The following BMPR1B variants were observed in gnomAD, a reference collection of about 807,000 sequenced individuals.
BMPR1B encodes bone morphogenetic protein receptor type 1B, also known as bone morphogenetic protein receptor type-1B.
BMPR1B carries 12 observed loss-of-function variants against 59.1 expected under a neutral mutation model. The ratio of observed to expected loss-of-function variants is 0.20; its 90% confidence interval spans 0.13 to 0.33. The LOEUF (loss-of-function observed/expected upper bound fraction) is 0.33. Among genes scored for constraint, BMPR1B ranks in the 10% least tolerant of loss-of-function variants. The pLI, the probability that BMPR1B is intolerant of heterozygous loss-of-function variation, is 1.00. For synonymous variants in BMPR1B, 237 were observed against 207.3 expected (o/e 1.14, Z -1.23); for missense variants, 550 against 610.9 (o/e 0.90, Z 1.05).
chr4:95,105,092 T>C (rs1731106083), intron 4 of BMPR1B, among the ~76,000 whole-genome samples: 1 of 152,140 alleles, frequency 6.6e-6, no homozygotes, highest in African/African-American at 2.4e-5. Context: ...AAATACTCTT[T>C]AATAGGTAAT....
chr4:94,831,890 G>A (rs1284462498), intron 1 of BMPR1B, among the ~76,000 whole-genome samples: 2 of 152,114 alleles, frequency 1.3e-5, no homozygotes, highest in African/African-American at 4.8e-5. Context: ...GCACATATGA[G>A]GGATCTGGGT....
intron 1 of BMPR1B, among the ~76,000 whole-genome samples, chr4:94,762,007 A>T (rs919094027): frequency 4.6e-5 from 7 of 152,218 alleles, no homozygotes; most frequent in Admixed American, 1.3e-4. Context: ...GCCAAGATTT[A>T]GGAGTAGACA....
chr4:95,010,876 G>T (rs1723174244), intron 3 of BMPR1B, among the ~76,000 whole-genome samples: 1 of 152,134 alleles, frequency 6.6e-6, no homozygotes, highest in African/African-American at 2.4e-5. Flanking sequence ...TGAGGCATCG[G>T]ACCATGGATA....
intron 2 of BMPR1B, among the ~76,000 whole-genome samples, chr4:94,882,952 T>C (rs1208549251): frequency 1.3e-5 from 2 of 148,966 alleles, no homozygotes; most frequent in East Asian, 3.9e-4. Context: ...ACCTTTTCTT[T>C]CCTGTGTGTG....
intron 3 of BMPR1B, among the ~76,000 whole-genome samples, chr4:95,056,111 A>G: frequency 2.0e-5 from 3 of 152,260 alleles, no homozygotes; most frequent in Admixed American, 2.0e-4. Flanking sequence ...TTATAGAACA[A>G]TTATCTTAAT....
intron 3 of BMPR1B, among the ~76,000 whole-genome samples, chr4:95,092,171 A>G (rs1730043360): frequency 6.6e-6 from 1 of 152,164 alleles, no homozygotes; most frequent in South Asian, 2.1e-4. Flanking sequence ...ATGTTAGATC[A>G]AATGAATGTT....
chr4:94,826,659 A>C (rs941493335), intron 1 of BMPR1B, among the ~76,000 whole-genome samples: 2 of 88,642 alleles, frequency 2.3e-5, no homozygotes, highest in Non-Finnish European at 4.3e-5. Flanking sequence ...TCTATACATT[A>C]ATAAAAATGG....
chr4:94,885,803 A>C (rs1005379700), intron 2 of BMPR1B, among the ~76,000 whole-genome samples: 1 of 152,216 alleles, frequency 6.6e-6, no homozygotes, highest in Admixed American at 6.5e-5. Context: ...AAATCTTCAG[A>C]AGAAGAAATA....
At chr4:95,030,250 G>A (rs977876438) in intron 3 of BMPR1B, among the ~76,000 whole-genome samples, 4 of 152,146 alleles carry the variant, frequency 2.6e-5, no homozygotes, top group African/African-American at 9.7e-5. Flanking sequence ...ATGGTTTTAG[G>A]TCTAATGTTT....
At chr4:94,806,177 T>G (rs1723597794) in intron 1 of BMPR1B, among the ~76,000 whole-genome samples, 1 of 152,204 alleles carries the variant, frequency 6.6e-6, no homozygotes. Context: ...GTACTCACGG[T>G]GTCAAGTTGA....
At chr4:94,975,719 C>T (rs1731007737) in intron 2 of BMPR1B, among the ~76,000 whole-genome samples, 1 of 152,046 alleles carries the variant, frequency 6.6e-6, no homozygotes, top group Non-Finnish European at 1.5e-5. Flanking sequence ...ATTATAATAC[C>T]TAACCTGTTT....
At chr4:95,052,269 C>T (rs1726561845) in intron 3 of BMPR1B, among the ~76,000 whole-genome samples, 1 of 151,978 alleles carries the variant, frequency 6.6e-6, no homozygotes, top group African/African-American at 2.4e-5. Flanking sequence ...TGTTTATTCA[C>T]CTTTAAGAAC....
chr4:95,097,798 A>C lies in BMPR1B; in HGVS notation c.-17-6610A>C, dbSNP rs548042924. 1.8e-4 allele frequency among the ~76,000 whole-genome samples: 27 copies of C among 152,302 alleles called. 1 individual carries two copies. In the South Asian group the frequency reaches 5.0e-3, roughly 28 times the overall value. ...TGATCCGACCTCCTCAACCTCCTAA[A>C]GTGCTGGGATTACAAGTGTAAGCCA... On this transcript the variant is annotated intron_variant, in intron 3 of 12. Coordinates refer to ENST00000515059, the MANE Select transcript of BMPR1B (RefSeq NM_001203.3).
intron 3 of BMPR1B, among the ~76,000 whole-genome samples, chr4:95,054,710 A>AACATCATT (rs1440368688): frequency 6.6e-6 from 1 of 152,180 alleles, no homozygotes; most frequent in East Asian, 1.9e-4. Context: ...ACAGTATTAA[A>AACATCATT]ACATCATTTT....
At chr4:94,768,349 T>G (rs1722044578) in intron 1 of BMPR1B, among the ~76,000 whole-genome samples, 1 of 151,418 alleles carries the variant, frequency 6.6e-6, no homozygotes, top group African/African-American at 2.4e-5. Flanking sequence ...AAAACTTACC[T>G]TCTCCTTAAA....
At chr4:95,035,302 C>A (rs980675587) in intron 3 of BMPR1B, among the ~76,000 whole-genome samples, 1 of 152,064 alleles carries the variant, frequency 6.6e-6, no homozygotes, top group South Asian at 2.1e-4. Flanking sequence ...ATGTATTTAT[C>A]TTTGTTTTTG....
At chr4:94,959,259 A>G (rs968663639) in intron 2 of BMPR1B, among the ~76,000 whole-genome samples, 10 of 152,190 alleles carry the variant, frequency 6.6e-5, no homozygotes, top group Non-Finnish European at 4.4e-5. Flanking sequence ...GGAATGAAAT[A>G]CCTTTTCCAA....
chr4:95,004,162 T>C (rs537519291), intron 3 of BMPR1B, among the ~76,000 whole-genome samples: 135 of 152,324 alleles, frequency 8.9e-4, no homozygotes, highest in Non-Finnish European at 1.7e-3. Flanking sequence ...TGAAAGTTTA[T>C]AAAAAGACAT....
intron 5 of BMPR1B, among the ~76,000 whole-genome samples, 164 bp from the exon 6 acceptor site, chr4:95,115,521 T>G (rs1210507002): frequency 6.6e-6 from 1 of 152,206 alleles, no homozygotes; most frequent in Non-Finnish European, 1.5e-5. Context: ...ACATGGTAGC[T>G]TGAAATAAAT....
Sources: allele counts gnomAD v4.1 joint callset (sites outside exome capture counted in the v4.1 genomes callset), GRCh38; gene constraint gnomAD v4.1.1; transcripts MANE v1.5; gene names NCBI Gene and HGNC (gene_info 2026-07-23, HGNC 2026-07-21).